C9: variants seen among roughly 807,000 people sequenced by gnomAD.
The protein encoded by C9 is complement C9, also known as complement component C9.
In C9, 63 loss-of-function variants were observed where a neutral mutation model predicts 65.4. The ratio of observed to expected loss-of-function variants is 0.96; its 90% CI spans 0.79 to 1.19. The LOEUF (loss-of-function observed/expected upper bound fraction) is 1.19, where lower values mean the gene tolerates loss of function less well. Ranked by LOEUF, C9 falls within the 50% of genes most tolerant of loss-of-function variation. The pLI, the probability that C9 is intolerant of heterozygous loss-of-function variation, is 0.00. For synonymous variants in C9, 229 were observed against 227.9 expected (o/e 1.00, Z -0.04); for missense variants, 744 against 670.1 (o/e 1.11, Z -1.22).
At chr5:39,312,309 C>T (rs530056623) in intron 6 of C9, among the ~76,000 whole-genome samples, 1 of 152,234 alleles carries the variant, frequency 6.6e-6, no homozygotes, top group South Asian at 2.1e-4. Flanking sequence ...AATTATACCT[C>T]ACTAAGTTGT....
intron 9 of C9, among the ~76,000 whole-genome samples, chr5:39,291,672 A>G (rs1271848834): frequency 6.6e-6 from 1 of 151,930 alleles, no homozygotes; most frequent in Non-Finnish European, 1.5e-5. Context: ...TCTTAAAAAC[A>G]GTTTAGTAAA....
chr5:39,288,685 A>AT (rs1753034775), intron 10 of C9, 38 bp downstream of exon 10: 1 of 1,141,912 alleles, frequency 8.8e-7, no homozygotes, highest in Admixed American at 1.7e-5. Flanking sequence ...CAAAGTGCAT[A>AT]TTTTTGTCTT....
chr5:39,323,711 C>T (rs1273372228), intron 5 of C9, among the ~76,000 whole-genome samples: 1 of 151,824 alleles, frequency 6.6e-6, no homozygotes, highest in African/African-American at 2.4e-5. Flanking sequence ...CCACATTGAC[C>T]ATTATACTCA....
chr5:39,309,850 C>A (rs1753448119), intron 7 of C9, among the ~76,000 whole-genome samples: 1 of 152,096 alleles, frequency 6.6e-6, no homozygotes, highest in Non-Finnish European at 1.5e-5. Flanking sequence ...TCCTATGGAG[C>A]TTTTTCATCA....
At position 39,315,800 on chromosome 5, in the gene C9, AG is replaced by A; in HGVS notation, c.844del (p.Leu282TyrfsTer16). 1 of 1,604,268 alleles carries A rather than the reference AG, an allele frequency of 6.2e-7. No individual in the cohort carries two copies. Among genetic ancestry groups the A allele is most frequent in the Non-Finnish European group, 8.5e-7 (1 of 1,171,356 alleles). On this transcript the variant is annotated frameshift_variant, in exon 6 of 11. Transcript: ENST00000263408. LOFTEE classifies it high-confidence loss of function. Reference protein sequence around the residue: ...FSYSKNETYQLFLSYSSKKEK... With the variant: ...FSYSKNETYQXFLSYSSKKEK... ...CTTCTTTGAAGAATATGACAAAAAT[AG>A]TTGGTAAGTTTCATTTTTGGAATAT...
intron 9 of C9, among the ~76,000 whole-genome samples, chr5:39,291,512 T>G (rs992497139): frequency 4.0e-5 from 6 of 151,654 alleles, no homozygotes; most frequent in African/African-American, 1.2e-4. Context: ...GAAGCAATAT[T>G]TGAAAAACTA....
intron 1 of C9, among the ~76,000 whole-genome samples, chr5:39,357,233 T>C (rs775455040): frequency 1.3e-5 from 2 of 152,238 alleles, no homozygotes; most frequent in African/African-American, 4.8e-5. Context: ...TCAATAAATA[T>C]GATAATGTGG....
intron 1 of C9, among the ~76,000 whole-genome samples, chr5:39,350,834 C>T (rs562610777): frequency 6.6e-6 from 1 of 152,252 alleles, no homozygotes; most frequent in Admixed American, 6.5e-5. Flanking sequence ...GTGGATCTAC[C>T]AATCTGGGGT....
Position 39,364,417 on chromosome 5 carries a change from T to A in C9, c.48A>T (p.Ile16=), listed in dbSNP as rs867311716. 3 of 1,608,760 alleles carry A rather than the reference T, an allele frequency of 1.9e-6. No homozygotes were observed. The highest frequency in any genetic ancestry group is 3.3e-4 in the Middle Eastern group (2 of 6,056). Residue 16 remains isoleucine (I), a synonymous_variant, in exon 1 of 11, where the codon ATA becomes ATT. Coordinates refer to ENST00000263408, the MANE Select transcript of C9 (RefSeq NM_001737.5). The part of the protein sequence containing the change: ...SFAVAICILE[I]SILTAQYTTS... ...TCGTGTACTGTGCTGTGAGGATGCT[T>A]ATTTCTAAAATGCAGATTGCAACTG... is the stretch of plus-strand genomic sequence containing the variant.
intron 8 of C9, among the ~76,000 whole-genome samples, 154 bp downstream of exon 8, chr5:39,308,076 C>T (rs1344145663): frequency 2.0e-5 from 3 of 152,092 alleles, no homozygotes; most frequent in African/African-American, 2.4e-5. Context: ...CATGCGCTAT[C>T]GGTGTTTATA....
intron 9 of C9, among the ~76,000 whole-genome samples, chr5:39,305,224 GCT>G (rs1753353181): frequency 6.6e-6 from 1 of 151,960 alleles, no homozygotes; most frequent in South Asian, 2.1e-4. Flanking sequence ...AATTTCACCA[GCT>G]TTTTTCCCCC....
intron 8 of C9, among the ~76,000 whole-genome samples, chr5:39,307,416 G>C (rs1579847326): frequency 6.6e-6 from 1 of 152,110 alleles, no homozygotes; most frequent in South Asian, 2.1e-4. Context: ...TAGAGAGGTG[G>C]AGTGACTAGT....
chr5:39,327,712 C>T (rs79521696), intron 5 of C9, among the ~76,000 whole-genome samples: 4,556 of 152,034 alleles, frequency 0.03, 208 homozygotes, highest in African/African-American at 0.1. Flanking sequence ...ATAGGATTTG[C>T]ATGCAATCAG....
chr5:39,299,895 A>G (rs1024735511), intron 9 of C9, among the ~76,000 whole-genome samples: 13 of 152,252 alleles, frequency 8.5e-5, no homozygotes, highest in African/African-American at 2.6e-4. Context: ...ATAAAATTAT[A>G]TTATATGAAT....
In C9 at chr5:39,306,793, CT is replaced by C. The variant is rs751527165; in HGVS notation, c.1241-2del. 1 of 1,605,572 alleles carries C rather than the reference CT, an allele frequency of 6.2e-7. No individual in the cohort carries two copies. Among genetic ancestry groups the C allele is most frequent in the African/African-American group, 1.3e-5 (1 of 74,642 alleles). On this transcript the variant is annotated splice_acceptor_variant, in intron 8 of 10. Coordinates refer to ENST00000263408, the MANE Select transcript of C9 (RefSeq NM_001737.5). LOFTEE classifies it high-confidence loss of function. ...ATGAGGTTTTCACTGGTGATGTTTA[CT>C]GAGGAGAGAAGGAAGATTTAAAGAG...
chr5:39,326,566 G>T (rs552791901), intron 5 of C9, among the ~76,000 whole-genome samples: 2 of 152,242 alleles, frequency 1.3e-5, no homozygotes, highest in East Asian at 1.9e-4. Flanking sequence ...TTATGCTCAG[G>T]ACTATGCTCA....
chr5:39,341,223 A>G lies in C9; in HGVS notation c.399T>C (p.Asp133=). ...AGGGGGGACGGGGCTCACTTTCACA[A>G]TCATCCTCATCTGAAAAGTCTCCGC... ...NDCGDFSDED[D]CESEPRPPCR... The change falls in exon 4 of 11, where the codon GAT becomes GAC. Residue 133 remains aspartate (D), a synonymous_variant. Transcript: ENST00000263408. 6.2e-7 allele frequency: 1 copy of G among 1,614,124 alleles called. No individual in the cohort carries two copies. The highest frequency in any genetic ancestry group is 8.5e-7 in the Non-Finnish European group (1 of 1,180,022).
intron 1 of C9, among the ~76,000 whole-genome samples, chr5:39,360,094 A>G (rs1345673954): frequency 6.6e-6 from 1 of 152,186 alleles, no homozygotes; most frequent in Non-Finnish European, 1.5e-5. Context: ...TTTTCTATTA[A>G]TGAATGTTTG....
intron 1 of C9, among the ~76,000 whole-genome samples, chr5:39,363,228 T>C (rs975990216): frequency 2.0e-5 from 3 of 152,166 alleles, no homozygotes; most frequent in Non-Finnish European, 2.9e-5. Flanking sequence ...GGTACAATGC[T>C]TTACAGATAA....
Sources: allele counts gnomAD v4.1 joint callset (sites outside exome capture counted in the v4.1 genomes callset), GRCh38; gene constraint gnomAD v4.1.1; transcripts MANE v1.5; gene names NCBI Gene and HGNC (gene_info 2026-07-23, HGNC 2026-07-21).